Variants in SESTD1 observed in about 807,000 individuals in gnomAD.
SESTD1 encodes SEC14 domain and spectrin repeat-containing protein 1.
In SESTD1, 43 loss-of-function variants were observed where a neutral mutation model predicts 101.7. The ratio of observed to expected loss-of-function variants is 0.42; its 90% CI spans 0.33 to 0.55. The LOEUF (loss-of-function observed/expected upper bound fraction) is 0.55, where lower values mean the gene tolerates loss of function less well. Ranked by LOEUF, SESTD1 falls within the 20% of genes least tolerant of loss-of-function variation. SESTD1 has a pLI of 0.07. For missense variants in SESTD1, 647 were observed against 815.1 expected, an observed-to-expected ratio of 0.79 and a Z score of 2.51; for synonymous variants, 283 against 286.8, an observed-to-expected ratio of 0.99 and a Z score of 0.13.
intron 2 of SESTD1, among the ~76,000 whole-genome samples, chr2:179,185,132 G>A (rs1379251469): frequency 1.3e-5 from 2 of 151,556 alleles, no homozygotes; most frequent in Admixed American, 6.6e-5. Flanking sequence ...CTTCTTGGAG[G>A]GCAATCTGAC....
At chr2:179,166,305 G>A (rs1209182357) in intron 5 of SESTD1, among the ~76,000 whole-genome samples, 1 of 152,090 alleles carries the variant, frequency 6.6e-6, no homozygotes, top group Non-Finnish European at 1.5e-5. Context: ...GTGAGGGGAA[G>A]AGCAGCCACT....
intron 1 of SESTD1, among the ~76,000 whole-genome samples, chr2:179,198,820 A>T (rs2046449824): frequency 6.6e-6 from 1 of 152,014 alleles, no homozygotes; most frequent in African/African-American, 2.4e-5. Flanking sequence ...GTAGAGGGAA[A>T]TTTATAGCAC....
chr2:179,117,468 G>GTAGT, intron 14 of SESTD1, 64 bp downstream of exon 14: 1 of 1,383,594 alleles, frequency 7.2e-7, no homozygotes, highest in Non-Finnish European at 9.8e-7. Context: ...ACTTTTGTTT[G>GTAGT]TAGTTAGATA....
At chr2:179,256,551 G>A (rs554778111) in intron 1 of SESTD1, among the ~76,000 whole-genome samples, 2 of 152,218 alleles carry the variant, frequency 1.3e-5, no homozygotes, top group African/African-American at 2.4e-5. Context: ...GGTGTCTTAC[G>A]CCTGTAATCC....
chr2:179,216,471 A>C (rs556536828), intron 1 of SESTD1, among the ~76,000 whole-genome samples: 1 of 135,236 alleles, frequency 7.4e-6, no homozygotes, highest in South Asian at 2.8e-4. Flanking sequence ...CTGCTCAATG[A>C]AATAAAAGAG....
intron 1 of SESTD1, among the ~76,000 whole-genome samples, chr2:179,243,757 G>A (rs1156479987): frequency 6.6e-6 from 1 of 151,580 alleles, no homozygotes; most frequent in Non-Finnish European, 1.5e-5. Flanking sequence ...CTACTAGAGG[G>A]GAGAGGGTGG....
intron 4 of SESTD1, chr2:179,174,334 C>A: frequency 2.5e-6 from 1 of 407,482 alleles, no homozygotes; most frequent in South Asian, 1.9e-5. Flanking sequence ...ATTAATAAAT[C>A]CAAAAGCTGT....
Position 179,109,423 on chromosome 2 carries a change from T to C in SESTD1, c.*476A>G, listed in dbSNP as rs1211508101. On this transcript the variant is annotated 3_prime_UTR_variant, in exon 18 of 18. Transcript: ENST00000428443. ...AAAGATCTGAAAGGCTTTCTCTGTA[T>C]TGACACAATAAAAATAATCAATTCT... is the stretch of plus-strand genomic sequence containing the variant. 2 of 312,910 alleles carry C rather than the reference T, an allele frequency of 6.4e-6. No individual in the cohort carries two copies. Among genetic ancestry groups the C allele is most frequent in the African/African-American group, 4.3e-5 (2 of 46,936 alleles). The allele number at this position is 312,910 out of a possible 1,614,324, so 19.4% of individuals were successfully genotyped here.
intron 1 of SESTD1, among the ~76,000 whole-genome samples, chr2:179,219,319 T>G (rs1029355609): frequency 1.3e-5 from 2 of 152,244 alleles, no homozygotes; most frequent in African/African-American, 4.8e-5. Context: ...TCAATAAATA[T>G]AAATCAACCA....
At chr2:179,132,558 G>T in intron 9 of SESTD1, 132 bp from the exon 10 acceptor site, 2 of 998,030 alleles carry the variant, frequency 2.0e-6, no homozygotes, top group South Asian at 3.8e-5. Flanking sequence ...TATCACATAG[G>T]CAGTAAATGT....
chr2:179,150,101 TG>T (rs1481551405), intron 6 of SESTD1, among the ~76,000 whole-genome samples: 1 of 152,126 alleles, frequency 6.6e-6, no homozygotes, highest in Non-Finnish European at 1.5e-5. Flanking sequence ...GGCATGCACT[TG>T]CAGTCCCAAC....
chr2:179,151,911 T>C (rs1010675843), intron 5 of SESTD1, among the ~76,000 whole-genome samples: 9 of 152,146 alleles, frequency 5.9e-5, no homozygotes, highest in South Asian at 2.1e-4. Flanking sequence ...TAGTAAAAAT[T>C]AGAAGATCAG....
intron 17 of SESTD1, 37 bp from the exon 18 acceptor site, chr2:179,110,065 T>C: frequency 6.2e-7 from 1 of 1,607,090 alleles, no homozygotes; most frequent in Non-Finnish European, 8.5e-7. Context: ...CTCAGATTAA[T>C]ACAAATCTAT....
At chr2:179,141,114 G>A (rs936559153) in intron 9 of SESTD1, among the ~76,000 whole-genome samples, 2 of 152,104 alleles carry the variant, frequency 1.3e-5, no homozygotes, top group Non-Finnish European at 2.9e-5. Context: ...CCCAGACTTC[G>A]AAGTCTGGAC....
intron 1 of SESTD1, among the ~76,000 whole-genome samples, chr2:179,234,909 G>A (rs183916803): frequency 1.4e-4 from 21 of 150,296 alleles, no homozygotes; most frequent in African/African-American, 5.1e-4. Flanking sequence ...AGGAGTTCAA[G>A]GCCAGCCTGG....
intron 1 of SESTD1, among the ~76,000 whole-genome samples, chr2:179,218,324 G>A (rs983409396): frequency 7.2e-5 from 11 of 151,924 alleles, no homozygotes; most frequent in African/African-American, 2.7e-4. Flanking sequence ...TTGTAAAGCA[G>A]GCTAAGAAAT....
rs938000789 is a variant in SESTD1 at position 179,112,977 on chromosome 2, G to A, written c.1840-132C>T. 1.0e-5 allele frequency: 13 copies of A among 1,254,574 alleles called. No homozygotes were observed. The African/African-American group carries it at 1.2e-4, about 12-fold the overall frequency. 77.7% of individuals were successfully genotyped at this position (1,254,574 alleles called of 1,614,324 possible). On this transcript the variant is annotated intron_variant, in intron 16 of 17. Transcript: ENST00000428443. ...AATGGAATCAAGCTCATACAAATTT[G>A]GTAGATTAAAGGCATTTTCTTGTTC...
At chr2:179,231,003 A>G (rs2046979122) in intron 1 of SESTD1, among the ~76,000 whole-genome samples, 1 of 152,178 alleles carries the variant, frequency 6.6e-6, no homozygotes, top group Admixed American at 6.6e-5. Flanking sequence ...TTCTCAAAAC[A>G]ACAAAACATA....
intron 5 of SESTD1, 83 bp from the exon 6 acceptor site, chr2:179,151,474 A>G: frequency 1.3e-6 from 1 of 797,480 alleles, no homozygotes; most frequent in East Asian, 2.9e-5. Flanking sequence ...AAATTAGGTT[A>G]AAATATGCAA....
Sources: allele counts gnomAD v4.1 joint callset (sites outside exome capture counted in the v4.1 genomes callset), GRCh38; gene constraint gnomAD v4.1.1; transcripts MANE v1.5; gene names NCBI Gene and HGNC (gene_info 2026-07-23, HGNC 2026-07-21).